Variants in DYNLT2B observed in about 807,000 individuals in gnomAD.
The protein encoded by DYNLT2B is dynein light chain Tctex-type 2B, also known as dynein light chain Tctex-type protein 2B.
In DYNLT2B, 14 loss-of-function variants were observed where a neutral mutation model predicts 19.5. That is an observed-to-expected ratio of 0.72 (90% CI 0.47 to 1.12). The LOEUF (loss-of-function observed/expected upper bound fraction) is 1.12. Among genes scored for constraint, DYNLT2B ranks in the 50% most tolerant of loss-of-function variants. The pLI, the probability that DYNLT2B is intolerant of heterozygous loss-of-function variation, is 0.00. For missense variants in DYNLT2B, 133 were observed against 174.7 expected (o/e 0.76, Z 1.35); for synonymous variants, 70 against 59.7 (o/e 1.17, Z -0.79).
intron 3 of DYNLT2B, chr3:196,296,379 T>G (rs1726223081): frequency 4.6e-6 from 1 of 218,050 alleles, no homozygotes; most frequent in Middle Eastern, 1.5e-3. Flanking sequence ...TGAGCTCAGC[T>G]CCTGCACAAT....
intron 1 of DYNLT2B, among the ~76,000 whole-genome samples, chr3:196,316,562 CAAAAT>C (rs755010501): frequency 1.0e-3 from 155 of 151,668 alleles, no homozygotes; most frequent in Non-Finnish European, 1.4e-3. Context: ...CACGCTTTCA[CAAAAT>C]AAAATAAAAT....
intron 2 of DYNLT2B, among the ~76,000 whole-genome samples, chr3:196,309,899 G>A (rs1049244990): frequency 6.7e-6 from 1 of 150,144 alleles, no homozygotes; most frequent in African/African-American, 2.4e-5. Context: ...GGTGAGCCAA[G>A]ATTGCGCCAT....
At chr3:196,314,482 A>G (rs1726723064) in intron 2 of DYNLT2B, among the ~76,000 whole-genome samples, 1 of 151,480 alleles carries the variant, frequency 6.6e-6, no homozygotes, top group Admixed American at 6.6e-5. Flanking sequence ...AAAAAAAAAA[A>G]AAAGAACTTT....
At chr3:196,299,090 C>CTT (rs1419829806) in intron 3 of DYNLT2B, among the ~76,000 whole-genome samples, 1 of 119,462 alleles carries the variant, frequency 8.4e-6, no homozygotes, top group Non-Finnish European at 1.8e-5. Flanking sequence ...TTTTTTTTTT[C>CTT]TTTTTTTTTT....
At chr3:196,306,237 C>A (rs548767066) in intron 3 of DYNLT2B, among the ~76,000 whole-genome samples, 1 of 142,408 alleles carries the variant, frequency 7.0e-6, no homozygotes, top group Non-Finnish European at 1.5e-5. Flanking sequence ...CAGAGTGTGA[C>A]CCATCTCTGC....
At chr3:196,295,962 C>T in intron 4 of DYNLT2B, 44 bp downstream of exon 4, 1 of 1,521,212 alleles carries the variant, frequency 6.6e-7, no homozygotes, top group South Asian at 1.1e-5. Flanking sequence ...ATTTGCGGTG[C>T]CCACGTTCTT....
intron 3 of DYNLT2B, among the ~76,000 whole-genome samples, chr3:196,297,095 G>C (rs960409190): frequency 2.0e-5 from 3 of 151,122 alleles, no homozygotes; most frequent in African/African-American, 7.3e-5. Context: ...CAGGAGGCTG[G>C]TGTGAACCTG....
chr3:196,291,599 C>G (rs550501234), intron 4 of DYNLT2B, among the ~76,000 whole-genome samples: 2 of 152,292 alleles, frequency 1.3e-5, no homozygotes, highest in African/African-American at 4.8e-5. Flanking sequence ...CTACCTCAGC[C>G]TCCAGAGTAG....
chr3:196,301,265 A>G (rs1391865532), intron 3 of DYNLT2B, among the ~76,000 whole-genome samples: 1 of 152,230 alleles, frequency 6.6e-6, no homozygotes, highest in Non-Finnish European at 1.5e-5. Context: ...AGAAAATAAT[A>G]TCATCTGGAG....
At chr3:196,317,928 C>T in intron 1 of DYNLT2B, 112 bp downstream of exon 1, 1 of 497,300 alleles carries the variant, frequency 2.0e-6, no homozygotes, top group Non-Finnish European at 3.1e-6. Flanking sequence ...CCTCCCGCCC[C>T]GCGGACCCCG....
intron 3 of DYNLT2B, among the ~76,000 whole-genome samples, chr3:196,300,039 G>A (rs1227143989): frequency 2.6e-5 from 4 of 152,162 alleles, no homozygotes; most frequent in Non-Finnish European, 5.9e-5. Context: ...AAGATGCTGT[G>A]CTGCTGGCTT....
chr3:196,298,235 C>G (rs1030132797), intron 3 of DYNLT2B: 1 of 261,932 alleles, frequency 3.8e-6, no homozygotes, highest in Admixed American at 3.9e-5. Context: ...CAGAATCAAG[C>G]ACACACCACA....
intron 3 of DYNLT2B, 122 bp downstream of exon 3, chr3:196,306,821 G>A (rs1391352332): frequency 1.2e-6 from 1 of 839,758 alleles, no homozygotes; most frequent in African/African-American, 1.7e-5. Flanking sequence ...GATTACAGGT[G>A]TGACCCATCA....
intron 3 of DYNLT2B, among the ~76,000 whole-genome samples, chr3:196,299,799 C>T (rs1327697314): frequency 1.3e-5 from 2 of 151,888 alleles, no homozygotes; most frequent in Non-Finnish European, 2.9e-5. Context: ...GGTGTGGTGG[C>T]GGGCGCCTGT....
At chr3:196,316,999 C>A (rs1476061305) in intron 1 of DYNLT2B, among the ~76,000 whole-genome samples, 1 of 122,138 alleles carries the variant, frequency 8.2e-6, no homozygotes, top group Non-Finnish European at 1.7e-5. Flanking sequence ...CTGCTCTGGC[C>A]CGTGAGCCTG....
At chr3:196,310,960 T>G (rs1056385030) in intron 2 of DYNLT2B, among the ~76,000 whole-genome samples, 1 of 151,912 alleles carries the variant, frequency 6.6e-6, no homozygotes, top group South Asian at 2.1e-4. Context: ...GGTCATGAAC[T>G]CCTGAGCTCA....
At chr3:196,310,097 C>G (rs545439577) in intron 2 of DYNLT2B, among the ~76,000 whole-genome samples, 1 of 141,220 alleles carries the variant, frequency 7.1e-6, no homozygotes, top group Non-Finnish European at 1.6e-5. Flanking sequence ...ATCAGGTTAT[C>G]AAATTTTTTA....
chr3:196,312,468 G>A (rs920041086), intron 2 of DYNLT2B, among the ~76,000 whole-genome samples: 1 of 151,936 alleles, frequency 6.6e-6, no homozygotes, highest in Non-Finnish European at 1.5e-5. Flanking sequence ...TTTGGGGGTG[G>A]AGGGGCGGGG....
At chr3:196,306,680 C>T (rs537885277) in intron 3 of DYNLT2B, among the ~76,000 whole-genome samples, 1 of 152,266 alleles carries the variant, frequency 6.6e-6, no homozygotes, top group Non-Finnish European at 1.5e-5. Flanking sequence ...TCCTGAGTAG[C>T]TGGGACTACA....
Sources: gnomAD v4.1 joint callset for allele counts (sites outside exome capture counted in the v4.1 genomes callset) on GRCh38, gnomAD v4.1.1 for gene constraint, MANE v1.5 for transcripts, NCBI Gene and HGNC (gene_info 2026-07-23, HGNC 2026-07-21) for gene names.